CNTNAP2: variants seen among roughly 807,000 people sequenced by gnomAD.
CNTNAP2 encodes the protein contactin-associated protein-like 2.
Under a neutral mutation model 155.2 loss-of-function variants are expected in CNTNAP2, and 98 were observed. That is an observed-to-expected ratio of 0.63 (90% CI 0.54 to 0.75). CNTNAP2 has a LOEUF of 0.75. Ranked by LOEUF, CNTNAP2 falls within the 30% of genes least tolerant of loss-of-function variation. CNTNAP2 has a pLI of 0.00. For synonymous variants in CNTNAP2, 651 were observed against 631.2 expected (o/e 1.03, Z -0.47); for missense variants, 1,727 against 1,688.1 (o/e 1.02, Z -0.40).
Position 147,300,277 on chromosome 7 carries a change from G to A in CNTNAP2, c.1485G>A (p.Lys495=). 6.2e-7 allele frequency: 1 copy of A among 1,613,784 alleles called. No homozygotes were observed. The highest frequency in any genetic ancestry group is 8.5e-7 in the Non-Finnish European group (1 of 1,179,846). ...NSPLQVKTGE[K]YFFGGFLNQM... ...CCCTTCAAGTTAAAACTGGCGAGAA[G>A]TACTTTTTTGGAGGTAAGAATGCCA... The change falls in exon 9 of 24, where the codon AAG becomes AAA. Residue 495 remains lysine, a synonymous_variant. Transcript: ENST00000361727.
intron 17 of CNTNAP2, among the ~76,000 whole-genome samples, chr7:148,171,411 A>G (rs1335949512): frequency 1.3e-5 from 2 of 152,222 alleles, no homozygotes; most frequent in Admixed American, 6.5e-5. Context: ...GTCCTTTTAT[A>G]CCAGCTGCTT....
chr7:147,189,010 A>G (rs1363552825), intron 8 of CNTNAP2, among the ~76,000 whole-genome samples: 1 of 152,166 alleles, frequency 6.6e-6, no homozygotes, highest in Admixed American at 6.5e-5. Context: ...TCCTCAGGTG[A>G]ACTCATTTGC....
At chr7:146,764,812 A>C (rs1390470546) in intron 1 of CNTNAP2, among the ~76,000 whole-genome samples, 2 of 152,164 alleles carry the variant, frequency 1.3e-5, no homozygotes, top group Non-Finnish European at 2.9e-5. Context: ...TAGACAAACC[A>C]AAATAGAAAA....
chr7:147,321,736 A>G (rs897776697), intron 9 of CNTNAP2, among the ~76,000 whole-genome samples: 1 of 152,190 alleles, frequency 6.6e-6, no homozygotes, highest in African/African-American at 2.4e-5. Flanking sequence ...TGACAATATA[A>G]CCAAATATTT....
In CNTNAP2 at chr7:147,136,342, G is replaced by T. The variant is rs530471454; in HGVS notation, c.1348+3833G>T. Among the ~76,000 whole-genome samples the T allele has an allele frequency of 3.9e-5, 6 of 152,100 alleles. No individual in the cohort carries two copies. The East Asian group carries it at 7.7e-4, about 20-fold the overall frequency. ...ATTGGAACATCCTTGTTTTGTTAATGTAGGTATTGCTTCAATTTTCGAATG... is the reference window on the plus strand; with the variant it reads ...ATTGGAACATCCTTGTTTTGTTAATTTAGGTATTGCTTCAATTTTCGAATG... On this transcript the variant is annotated intron_variant, in intron 8 of 23. Transcript: ENST00000361727.
At chr7:147,898,903 G>A (rs1281183942) in intron 13 of CNTNAP2, among the ~76,000 whole-genome samples, 1 of 152,170 alleles carries the variant, frequency 6.6e-6, no homozygotes, top group Non-Finnish European at 1.5e-5. Flanking sequence ...CTTCTGGCAA[G>A]GAACCTCTGT....
intron 14 of CNTNAP2, among the ~76,000 whole-genome samples, chr7:147,955,674 A>C (rs2247093): frequency 0.81 from 122,505 of 151,978 alleles, 50,470 homozygotes; most frequent in South Asian, 0.92. Flanking sequence ...CCTGCTCCCC[A>C]CCTCAGCTAT....
intron 14 of CNTNAP2, among the ~76,000 whole-genome samples, chr7:147,962,533 A>C (rs979402313): frequency 2.0e-5 from 3 of 152,184 alleles, no homozygotes; most frequent in Admixed American, 1.3e-4. Context: ...TTGTGTTCCC[A>C]TCATATTAAG....
intron 1 of CNTNAP2, among the ~76,000 whole-genome samples, chr7:146,334,965 C>T (rs1801250562): frequency 6.6e-6 from 1 of 152,168 alleles, no homozygotes; most frequent in Non-Finnish European, 1.5e-5. Flanking sequence ...ATCCCAAACT[C>T]CCTCCACTTT....
intron 1 of CNTNAP2, among the ~76,000 whole-genome samples, chr7:146,380,232 G>C (rs983681935): frequency 6.6e-6 from 1 of 152,110 alleles, no homozygotes; most frequent in Non-Finnish European, 1.5e-5. Context: ...ATTGCCCATA[G>C]CTACCATGAA....
At chr7:146,223,591 C>T (rs756892754) in intron 1 of CNTNAP2, among the ~76,000 whole-genome samples, 2 of 152,152 alleles carry the variant, frequency 1.3e-5, no homozygotes, top group African/African-American at 2.4e-5. Flanking sequence ...AGCTGGAATG[C>T]ATAAGATACA....
chr7:147,182,642 G>T (rs963105810), intron 8 of CNTNAP2, among the ~76,000 whole-genome samples: 1 of 151,582 alleles, frequency 6.6e-6, no homozygotes, highest in African/African-American at 2.4e-5. Context: ...CCTTTTATGT[G>T]GCTATAGAAC....
chr7:147,365,854 A>AT (rs1255583701), intron 9 of CNTNAP2, among the ~76,000 whole-genome samples: 2 of 152,078 alleles, frequency 1.3e-5, no homozygotes, highest in African/African-American at 4.8e-5. Flanking sequence ...ATGTTTCTTG[A>AT]TTTTTGTTTG....
intron 13 of CNTNAP2, among the ~76,000 whole-genome samples, chr7:147,772,232 T>C (rs1797481154): frequency 6.6e-6 from 1 of 151,376 alleles, no homozygotes; most frequent in Non-Finnish European, 1.5e-5. Flanking sequence ...AAGACCAGCC[T>C]GACCAACATA....
chr7:146,780,260 A>T (rs540411976), intron 2 of CNTNAP2, among the ~76,000 whole-genome samples: 4 of 151,424 alleles, frequency 2.6e-5, no homozygotes, highest in Middle Eastern at 3.4e-3. Flanking sequence ...ATCTCGGCTC[A>T]CTGCAAGCTC....
intron 11 of CNTNAP2, among the ~76,000 whole-genome samples, chr7:147,527,616 G>A (rs1395052152): frequency 2.0e-5 from 3 of 152,180 alleles, no homozygotes; most frequent in Non-Finnish European, 4.4e-5. Flanking sequence ...AGCATCAGTA[G>A]CCACATTACA....
At chr7:147,729,194 C>G (rs999274068) in intron 13 of CNTNAP2, among the ~76,000 whole-genome samples, 1 of 151,620 alleles carries the variant, frequency 6.6e-6, no homozygotes, top group African/African-American at 2.4e-5. Flanking sequence ...CCTCAGCCTC[C>G]CAAAGTGCTG....
intron 4 of CNTNAP2, among the ~76,000 whole-genome samples, chr7:147,096,400 A>G (rs556864853): frequency 4.6e-5 from 7 of 152,378 alleles, no homozygotes; most frequent in African/African-American, 1.4e-4. Flanking sequence ...GAATAGGGAC[A>G]GCCCCTTTTA....
intron 22 of CNTNAP2, 146 bp downstream of exon 22, chr7:148,384,034 G>T: frequency 8.7e-7 from 1 of 1,151,474 alleles, no homozygotes; most frequent in South Asian, 1.4e-5. Flanking sequence ...TGAGTACGGA[G>T]TTCTCAGGGC....
Sources: gnomAD v4.1 joint callset for allele counts (sites outside exome capture counted in the v4.1 genomes callset) on GRCh38, gnomAD v4.1.1 for gene constraint, MANE v1.5 for transcripts, NCBI Gene and HGNC (gene_info 2026-07-23, HGNC 2026-07-21) for gene names.